DAB2: variants seen among roughly 807,000 people sequenced by gnomAD.
DAB2 encodes the protein disabled homolog 2.
Under a neutral mutation model 71.6 loss-of-function variants are expected in DAB2, and 28 were observed. The observed-to-expected ratio is 0.39, with a 90% CI of 0.29 to 0.54. The LOEUF (loss-of-function observed/expected upper bound fraction) is 0.54. Among genes scored for constraint, DAB2 ranks in the 20% least tolerant of loss-of-function variants. The probability of loss-of-function intolerance (pLI) is 0.68; values close to 1 mark genes in which losing one functional copy is unlikely to be tolerated. For missense variants in DAB2, 867 were observed against 928.8 expected (o/e 0.93, Z 0.86); for synonymous variants, 345 against 339.7 (o/e 1.02, Z -0.17).
In DAB2 at chr5:39,377,040, C is replaced by T. The variant is rs1355250378; in HGVS notation, c.1747G>A (p.Ala583Thr). 6.2e-7 allele frequency: 1 copy of T among 1,614,094 alleles called. No homozygotes were observed. ...WGPSASVAPN[A>T]WSTTSPLGNP... ...CCCAAAGGGCTTGTTGTTGACCAAG[C>T]ATTGGGTGCCACAGATGCAGAAGGG... Residue 583 changes from alanine to threonine, a missense_variant, in exon 12 of 15, where the codon GCT becomes ACT. Physicochemically the swap from Ala to Thr is moderately conservative, Grantham distance 58 (BLOSUM62 0). Around this residue, in one of 2 missense-constraint regions of DAB2, gnomAD observed 740 missense variants for 734.3 expected, o/e 1.01. Coordinates refer to ENST00000320816, the MANE Select transcript of DAB2 (RefSeq NM_001343.4).
chr5:39,401,282 G>T (rs35969577), intron 1 of DAB2, among the ~76,000 whole-genome samples: 54,726 of 152,072 alleles, frequency 0.36, 10,444 homozygotes, highest in Middle Eastern at 0.44. Flanking sequence ...AAACAAGCCC[G>T]AGTCAATGAG....
At chr5:39,398,963 G>A (rs529533912) in intron 1 of DAB2, among the ~76,000 whole-genome samples, 2 of 152,254 alleles carry the variant, frequency 1.3e-5, no homozygotes, top group Non-Finnish European at 2.9e-5. Flanking sequence ...AAAACTTTTA[G>A]CAGGGTTTTT....
At chr5:39,376,256 A>G (rs754985804) in intron 12 of DAB2, 150 bp from the exon 13 acceptor site, 3 of 633,842 alleles carry the variant, frequency 4.7e-6, no homozygotes, top group Middle Eastern at 2.6e-4. Flanking sequence ...AGGTACCCCA[A>G]TAATTATTAT....
At chr5:39,421,893 C>T (rs1487546982) in intron 1 of DAB2, among the ~76,000 whole-genome samples, 1 of 101,136 alleles carries the variant, frequency 9.9e-6, no homozygotes, top group East Asian at 2.5e-4. Context: ...CCCGTCTCTA[C>T]TACTACTACA....
At chr5:39,388,924 T>A in intron 7 of DAB2, 72 bp from the exon 8 acceptor site, 1 of 1,387,866 alleles carries the variant, frequency 7.2e-7, no homozygotes, top group Non-Finnish European at 1.0e-6. Flanking sequence ...ACTCTATTAG[T>A]CTGCTAAGCA....
In DAB2 at chr5:39,377,223, T is replaced by G; in HGVS notation, c.1564A>C (p.Asn522His). 1 of 1,614,102 alleles carries G rather than the reference T, an allele frequency of 6.2e-7. No individual in the cohort carries two copies. Among genetic ancestry groups the G allele is most frequent in the African/African-American group, 1.3e-5 (1 of 75,026 alleles). The change falls in exon 12 of 15, where the codon AAT becomes CAT. Residue 522 changes from asparagine (N) to histidine (H), a missense_variant. Asn to His is a moderately conservative substitution (Grantham distance 68). This residue lies in a region of DAB2 where 740 missense variants were observed against 734.3 expected (regional missense o/e 1.01). Coordinates refer to ENST00000320816, the MANE Select transcript of DAB2 (RefSeq NM_001343.4). Reference protein sequence around the residue: ...GPWNTASLVFNQSPSMAPGAM... With the variant: ...GPWNTASLVFHQSPSMAPGAM... ...CCCGGAGCCATTGAAGGGGACTGAT[T>G]GAAGACCAAAGATGCTGTGTTCCAT...
intron 10 of DAB2, 131 bp downstream of exon 10, chr5:39,382,487 G>A (rs1428838999): frequency 1.0e-6 from 1 of 987,596 alleles, no homozygotes; most frequent in East Asian, 2.4e-5. Context: ...GAACCAAAGT[G>A]CCTTATCCCA....
At chr5:39,395,965 C>T (rs1289258570) in intron 1 of DAB2, among the ~76,000 whole-genome samples, 3 of 5,566 alleles carry the variant, frequency 5.4e-4, no homozygotes, top group South Asian at 5.7e-3. Flanking sequence ...TTTTTTGAGA[C>T]GGAGTCTTGC....
chr5:39,377,240 G>A lies in DAB2; in HGVS notation c.1547C>T (p.Thr516Ile). The change falls in exon 12 of 15, where the codon ACA becomes ATA. Residue 516 changes from threonine to isoleucine, a missense_variant. By Grantham distance (89) the Thr-to-Ile change is moderately conservative. Around this residue, in one of 2 missense-constraint regions of DAB2, gnomAD observed 740 missense variants for 734.3 expected, o/e 1.01. Coordinates refer to ENST00000320816, the MANE Select transcript of DAB2 (RefSeq NM_001343.4). ...GGACTGATTGAAGACCAAAGATGCTGTGTTCCATGGTCCTGCCTGAGGGAG... is the reference window on the plus strand; with the variant it reads ...GGACTGATTGAAGACCAAAGATGCTATGTTCCATGGTCCTGCCTGAGGGAG... ...VTLPQAGPWN[T>I]ASLVFNQSPS... 6.2e-7 allele frequency: 1 copy of A among 1,614,118 alleles called. No individual in the cohort carries two copies. Among genetic ancestry groups the A allele is most frequent in the Non-Finnish European group, 8.5e-7 (1 of 1,180,000 alleles).
Position 39,394,540 on chromosome 5 carries a change from TCTC to T in DAB2, c.-101-122_-101-120del, listed in dbSNP as rs559271198. The T allele has an allele frequency of 2.6e-3, 1,411 of 553,000 alleles. 1 individual carries two copies. Among genetic ancestry groups the T allele is most frequent in the Non-Finnish European group, 3.7e-3 (1,167 of 312,102 alleles). 34.3% of individuals were successfully genotyped at this position (553,000 alleles called of 1,614,324 possible). A position where few individuals can be genotyped will look rare whatever the true frequency, so the allele number is the denominator to read the frequency against. ...AGTTCTTTGGACTCATTTTGTTCCT[TCTC>T]CTGCTGTATTAGACTGAAGACTGAA... On this transcript the variant is annotated intron_variant, in intron 1 of 14. Transcript: ENST00000320816.
intron 1 of DAB2, among the ~76,000 whole-genome samples, chr5:39,406,798 C>T (rs988634710): frequency 6.6e-6 from 1 of 151,982 alleles, no homozygotes; most frequent in Non-Finnish European, 1.5e-5. Context: ...CAAGGGCATA[C>T]AATTTTCTAA....
chr5:39,378,645 C>T (rs1459357082), intron 11 of DAB2, among the ~76,000 whole-genome samples: 2 of 152,072 alleles, frequency 1.3e-5, no homozygotes, highest in Non-Finnish European at 2.9e-5. Context: ...TCAGAACAGG[C>T]CATTTCACTT....
At chr5:39,384,396 G>A (rs1755049649) in intron 9 of DAB2, among the ~76,000 whole-genome samples, 1 of 152,112 alleles carries the variant, frequency 6.6e-6, no homozygotes, top group Admixed American at 6.6e-5. Flanking sequence ...TTTGAATGTG[G>A]TCTCTCTGTC....
intron 1 of DAB2, among the ~76,000 whole-genome samples, chr5:39,412,164 A>G (rs932284322): frequency 1.3e-5 from 2 of 152,116 alleles, no homozygotes; most frequent in African/African-American, 2.4e-5. Flanking sequence ...AGAGTATGTC[A>G]TTTCCCTTAT....
intron 13 of DAB2, among the ~76,000 whole-genome samples, 193 bp downstream of exon 13, chr5:39,375,804 T>C (rs957794859): frequency 6.6e-6 from 1 of 152,164 alleles, no homozygotes; most frequent in Admixed American, 6.5e-5. Flanking sequence ...GAGAATCCTT[T>C]GAACTCAGGA....
At chr5:39,379,443 C>CA (rs33949918) in intron 11 of DAB2, among the ~76,000 whole-genome samples, 34,479 of 72,568 alleles carry the variant, frequency 0.48, 9,381 homozygotes, top group Middle Eastern at 0.54. Context: ...GACTCTGTCT[C>CA]AAAAAAAAAA....
chr5:39,383,302 G>C (rs746869984), intron 9 of DAB2, 31 bp from the exon 10 acceptor site: 1 of 1,519,194 alleles, frequency 6.6e-7, no homozygotes. Context: ...AAAAAAGAAA[G>C]TGTTAGTCCA....
At position 39,383,101 on chromosome 5, in the gene DAB2, G is replaced by C; in HGVS notation, c.858C>G (p.Phe286Leu). ...PENAFSANLN[F>L]FPTPNPDPFR... The stretch of plus-strand genomic sequence containing the variant: ...AAGGATCAGGATTAGGGGTGGGAAA[G>C]AAGTTGAGATTGGCAGAAAAGGCAT... Residue 286 changes from phenylalanine (F) to leucine (L), a missense_variant, in exon 10 of 15, where the codon TTC becomes TTG. By Grantham distance (22) the Phe-to-Leu change is conservative. Transcript: ENST00000320816. 6.2e-7 allele frequency: 1 copy of C among 1,614,200 alleles called. No individual in the cohort carries two copies. The highest frequency in any genetic ancestry group is 8.5e-7 in the Non-Finnish European group (1 of 1,180,032).
intron 1 of DAB2, among the ~76,000 whole-genome samples, chr5:39,410,511 A>G (rs1755698935): frequency 6.7e-6 from 1 of 150,034 alleles, no homozygotes. Flanking sequence ...CAATGCATTA[A>G]TTAAACAAAT....
Sources: allele counts gnomAD v4.1 joint callset (sites outside exome capture counted in the v4.1 genomes callset), GRCh38; gene constraint gnomAD v4.1.1; regional missense constraint gnomAD v4.1.1; transcripts MANE v1.5; gene names NCBI Gene and HGNC (gene_info 2026-07-23, HGNC 2026-07-21).